Variants in PEX11G observed in about 807,000 individuals in gnomAD.
PEX11G encodes peroxisomal membrane protein 11C.
Under a neutral mutation model 22.5 loss-of-function variants are expected in PEX11G, and 20 were observed. The ratio of observed to expected loss-of-function variants is 0.89; its 90% CI spans 0.62 to 1.29. PEX11G has a LOEUF of 1.29. PEX11G is among the 50% of genes most tolerant of loss of function. PEX11G has a pLI of 0.00. For missense variants in PEX11G, 347 were observed against 331.3 expected, an observed-to-expected ratio of 1.05 and a Z score of -0.37; for synonymous variants, 141 against 154.5, an observed-to-expected ratio of 0.91 and a Z score of 0.65.
At chr19:7,493,897 G>C (rs1425293899), upstream of PEX11G, among the ~76,000 whole-genome samples, 3 of 149,388 alleles carry the variant, frequency 2.0e-5, no homozygotes, top group South Asian at 4.4e-4. Context: ...CTCCCCCAGT[G>C]GGGGGGTCAC....
chr19:7,490,513 G>C (rs890736130), upstream of PEX11G, among the ~76,000 whole-genome samples: 1 of 62,870 alleles, frequency 1.6e-5, no homozygotes, highest in African/African-American at 6.1e-5. Flanking sequence ...TTTTTTTTTT[G>C]TATTTTTAGT....
At chr19:7,489,851 C>CTTTTTTTTTTTTTT (rs55711330), upstream of PEX11G, among the ~76,000 whole-genome samples, 3 of 143,858 alleles carry the variant, frequency 2.1e-5, no homozygotes, top group Non-Finnish European at 3.0e-5. Context: ...CTGGAGACGT[C>CTTTTTTTTTTTTTT]TTTTTTTTTT....
chr19:7,483,270 G>GCCCGGA (rs1489070763), intron 2 of PEX11G: 1 of 151,902 alleles, frequency 6.6e-6, no homozygotes, highest in Non-Finnish European at 1.5e-5. Context: ...ACCTCCCTCC[G>GCCCGGA]GGCTCTGAAC....
chr19:7,489,871 T>C (rs1279204954), upstream of PEX11G, among the ~76,000 whole-genome samples: 6 of 152,070 alleles, frequency 3.9e-5, no homozygotes, highest in East Asian at 5.8e-4. Context: ...TTTTTCTTTT[T>C]TTTTGAGACG....
chr19:7,491,386 C>T (rs529071204), upstream of PEX11G, among the ~76,000 whole-genome samples: 44 of 151,234 alleles, frequency 2.9e-4, no homozygotes, highest in Admixed American at 7.9e-4. Context: ...TCTCCTGCCT[C>T]GGCCTCCCAA....
At chr19:7,489,399 C>T, upstream of PEX11G, 2 of 1,029,740 alleles carry the variant, frequency 1.9e-6, no homozygotes, top group Middle Eastern at 9.2e-4. Context: ...TTGTGCTTCA[C>T]CTTTTCTGCA....
chr19:7,483,816 G>T (rs11880704), intron 2 of PEX11G, among the ~76,000 whole-genome samples: 7,369 of 152,198 alleles, frequency 0.048, 570 homozygotes, highest in African/African-American at 0.17. Flanking sequence ...GGGAGGGGCA[G>T]GACGCTGAGA....
chr19:7,479,978 T>G (rs1419539255), intron 3 of PEX11G, among the ~76,000 whole-genome samples: 1 of 151,982 alleles, frequency 6.6e-6, no homozygotes, highest in Non-Finnish European at 1.5e-5. Context: ...AAAAATAAAG[T>G]CTGGGCCGGG....
Position 7,477,280 on chromosome 19 carries a change from G to A in PEX11G, c.648C>T (p.Leu216=), listed in dbSNP as rs761585457. The A allele has an allele frequency of 1.9e-6, 3 of 1,585,704 alleles. No homozygotes were observed. In the South Asian group the frequency reaches 3.4e-5, roughly 18 times the overall value. The change falls in exon 5 of 5, where the codon CTC becomes CTT. Residue 216 remains leucine, a synonymous_variant. Coordinates refer to ENST00000221480, the MANE Select transcript of PEX11G (RefSeq NM_080662.4). ...AGRFPPWLVG[L]MGTISSILSM... ...TGAGGATTGAGGAGATGGTGCCCAT[G>A]AGGCCCACTAGCCACGGCGGGAAGC...
upstream of PEX11G, among the ~76,000 whole-genome samples, chr19:7,492,621 T>C (rs2145986611): frequency 6.6e-6 from 1 of 152,266 alleles, no homozygotes; most frequent in South Asian, 2.1e-4. Flanking sequence ...TTTAGACTTT[T>C]AGTAGAGACG....
chr19:7,479,241 T>C (rs1322595787), intron 3 of PEX11G, among the ~76,000 whole-genome samples: 1 of 152,092 alleles, frequency 6.6e-6, no homozygotes, highest in Non-Finnish European at 1.5e-5. Context: ...CCCGGGACTT[T>C]GGGAGGCCAA....
intron 1 of PEX11G, among the ~76,000 whole-genome samples, chr19:7,486,983 A>C (rs991443892): frequency 2.4e-4 from 36 of 151,506 alleles, no homozygotes; most frequent in Non-Finnish European, 4.4e-5. Flanking sequence ...GGAGTTCCAG[A>C]CTGTAGTGAG....
intron 3 of PEX11G, among the ~76,000 whole-genome samples, chr19:7,480,943 A>G (rs1460916337): frequency 6.6e-6 from 1 of 152,130 alleles, no homozygotes; most frequent in Non-Finnish European, 1.5e-5. Context: ...TAGAAACTAT[A>G]TGGTTTTTTG....
At chr19:7,493,393 C>T (rs1467284572), upstream of PEX11G, among the ~76,000 whole-genome samples, 2 of 152,120 alleles carry the variant, frequency 1.3e-5, no homozygotes, top group South Asian at 2.1e-4. Flanking sequence ...TAGGGTCTCA[C>T]CATGTTGGCC....
chr19:7,487,429 A>T (rs565128095), intron 1 of PEX11G, among the ~76,000 whole-genome samples: 1 of 152,250 alleles, frequency 6.6e-6, no homozygotes, highest in South Asian at 2.1e-4. Flanking sequence ...TTCACTACTC[A>T]GATCTTTTTT....
chr19:7,479,216 G>A (rs1977378556), intron 3 of PEX11G, among the ~76,000 whole-genome samples: 1 of 152,210 alleles, frequency 6.6e-6, no homozygotes, highest in Non-Finnish European at 1.5e-5. Context: ...AAGCGCGATG[G>A]CTCACACCTG....
At chr19:7,477,600 C>T (rs1977282654) in intron 4 of PEX11G, among the ~76,000 whole-genome samples, 164 bp from the exon 5 acceptor site, 1 of 152,148 alleles carries the variant, frequency 6.6e-6, no homozygotes, top group Admixed American at 6.5e-5. Context: ...AGACTGAGTC[C>T]CCATCACCCC....
upstream of PEX11G, among the ~76,000 whole-genome samples, chr19:7,492,792 CTT>C (rs2021913352): frequency 6.6e-6 from 1 of 152,170 alleles, no homozygotes; most frequent in African/African-American, 2.4e-5. Context: ...GATTTCAACT[CTT>C]GTTACTCTTC....
chr19:7,492,495 G>A (rs1771802408), upstream of PEX11G, among the ~76,000 whole-genome samples: 1 of 151,970 alleles, frequency 6.6e-6, no homozygotes, highest in Non-Finnish European at 1.5e-5. Context: ...CTAGGCTGGA[G>A]TGCAGTGCTG....
Sources: allele counts gnomAD v4.1 joint callset (sites outside exome capture counted in the v4.1 genomes callset), GRCh38; gene constraint gnomAD v4.1.1; transcripts MANE v1.5; gene names NCBI Gene and HGNC (gene_info 2026-07-23, HGNC 2026-07-21).